The following SFSWAP variants were observed in gnomAD, a reference collection of about 807,000 sequenced individuals.
SFSWAP encodes the protein splicing factor SWAP, also known as splicing factor, suppressor of white-apricot homolog.
Under a neutral mutation model 100.7 loss-of-function variants are expected in SFSWAP, and 17 were observed. The ratio of observed to expected loss-of-function variants is 0.17; its 90% CI spans 0.12 to 0.25. The LOEUF (loss-of-function observed/expected upper bound fraction) is 0.25. Among genes scored for constraint, SFSWAP ranks in the 10% least tolerant of loss-of-function variants. The pLI is 1.00. For missense variants in SFSWAP, 1,005 were observed against 1,262.6 expected (o/e 0.80, Z 3.09); for synonymous variants, 504 against 510.1 (o/e 0.99, Z 0.16).
In SFSWAP at chr12:131,799,675, A is replaced by G. The variant is rs1036186413; in HGVS notation, c.*187A>G. ...GTCTCTTACCTGTATATTTGTAAAT[A>G]TATCATGTTTCTGTGAAAATGTATT... On this transcript the variant is annotated 3_prime_UTR_variant, in exon 18 of 18. Coordinates refer to ENST00000261674, the MANE Select transcript of SFSWAP (RefSeq NM_004592.4). The G allele has an allele frequency of 6.9e-6, 4 of 582,132 alleles. No homozygotes were observed. The highest frequency in any genetic ancestry group is 1.2e-5 in the Non-Finnish European group (4 of 329,666). The allele number at this position is 582,132 out of a possible 1,614,324, so 36.1% of individuals were successfully genotyped here. A position where few individuals can be genotyped will look rare whatever the true frequency, so the allele number is the denominator to read the frequency against.
Position 131,786,731 on chromosome 12 carries a change from C to T in SFSWAP, c.2534+143C>T, listed in dbSNP as rs1884923437. 9 of 840,428 alleles carry T rather than the reference C, an allele frequency of 1.1e-5. No individual in the cohort carries two copies. The South Asian group carries it at 1.6e-4, about 15-fold the overall frequency. 52.1% of individuals were successfully genotyped at this position (840,428 alleles called of 1,614,324 possible). A position where few individuals can be genotyped will look rare whatever the true frequency, so the allele number is the denominator to read the frequency against. ...GAGTCCCCCACCACCCCCCCACCCCCAGTGGCATGGCCATCACTGTTGACA... is the reference window on the plus strand; with the variant it reads ...GAGTCCCCCACCACCCCCCCACCCCTAGTGGCATGGCCATCACTGTTGACA... On this transcript the variant is annotated intron_variant, in intron 15 of 17. Coordinates refer to ENST00000261674, the MANE Select transcript of SFSWAP (RefSeq NM_004592.4).
Position 131,766,711 on chromosome 12 carries a change from C to T in SFSWAP, c.2142+403C>T, listed in dbSNP as rs142991834. Among the ~76,000 whole-genome samples the T allele has an allele frequency of 2.3e-4, 35 of 152,234 alleles. No individual in the cohort carries two copies. In the East Asian group the frequency reaches 4.1e-3, roughly 18 times the overall value. On this transcript the variant is annotated intron_variant, in intron 13 of 17. Coordinates refer to ENST00000261674, the MANE Select transcript of SFSWAP (RefSeq NM_004592.4). ...ACGTGGGGCAGAAATCCTTTTGCCA[C>T]GGTCTGTATCAATGTCAGCACTTTA...
chr12:131,715,000 CGCACAG>C lies in SFSWAP; in HGVS notation c.520+50_520+55del. ...CTGCTGGTGTAGGGCTACACGTGTACGCACAGGCTGCATGCACCGTGGTCCAGTCTG... is the reference window on the plus strand; with the variant it reads ...CTGCTGGTGTAGGGCTACACGTGTACGCTGCATGCACCGTGGTCCAGTCTG... On this transcript the variant is annotated intron_variant, in intron 3 of 17. Transcript: ENST00000261674. This position sits in a 1 kb window ranked among gnomAD's most constrained non-coding sequence, Gnocchi z 6.0. The C allele has an allele frequency of 6.2e-7, 1 of 1,604,258 alleles. No individual in the cohort carries two copies. The highest frequency in any genetic ancestry group is 8.5e-7 in the Non-Finnish European group (1 of 1,172,828).
chr12:131,716,088 A>T (rs925644297), intron 3 of SFSWAP, among the ~76,000 whole-genome samples: 11 of 152,208 alleles, frequency 7.2e-5, no homozygotes, highest in African/African-American at 2.7e-4. Flanking sequence ...CTGTGACTGC[A>T]CTATGGTTCT....
intron 11 of SFSWAP, among the ~76,000 whole-genome samples, chr12:131,762,211 C>T (rs950764067): frequency 6.6e-6 from 1 of 151,274 alleles, no homozygotes; most frequent in Non-Finnish European, 1.5e-5. Flanking sequence ...TCAGCCTGGG[C>T]GACAGAGCGA....
chr12:131,799,031 C>A lies in SFSWAP; in HGVS notation c.2718-6C>A. ...GTAAGCTCTGCTCTCTCTCTCTCTG[C>A]ATTAGGGGAGTCTCTCAGGAAAAAG... On this transcript the variant is annotated splice_polypyrimidine_tract_variant and splice_region_variant and intron_variant, in intron 16 of 17. Transcript: ENST00000261674. 1 of 1,607,910 alleles carries A rather than the reference C, an allele frequency of 6.2e-7. No individual in the cohort carries two copies. Among genetic ancestry groups the A allele is most frequent in the Non-Finnish European group, 8.5e-7 (1 of 1,174,328 alleles).
intron 14 of SFSWAP, chr12:131,783,792 T>TTATTTATA (rs1555251680): frequency 2.3e-5 from 2 of 86,682 alleles, no homozygotes; most frequent in South Asian, 4.3e-4. Context: ...AAAAAACATT[T>TTATTTATA]TATATATATA....
Position 131,711,192 on chromosome 12 carries a change from C to T in SFSWAP, c.-38C>T. ...TGGAGGTATCAGGGACGTCGCGCGG[C>T]ACAGAAGAGGACCAGCCTGGACGCC... On this transcript the variant is annotated 5_prime_UTR_variant, in exon 1 of 18. Coordinates refer to ENST00000261674, the MANE Select transcript of SFSWAP (RefSeq NM_004592.4). This position sits in a 1 kb window ranked among gnomAD's most constrained non-coding sequence, Gnocchi z 4.9. 1 of 1,514,628 alleles carries T rather than the reference C, an allele frequency of 6.6e-7. No homozygotes were observed. Among genetic ancestry groups the T allele is most frequent in the Non-Finnish European group, 8.9e-7 (1 of 1,128,138 alleles). The allele number at this position is 1,514,628 out of a possible 1,614,324, so 93.8% of individuals were successfully genotyped here.
intron 7 of SFSWAP, among the ~76,000 whole-genome samples, chr12:131,744,347 G>A (rs553749582): frequency 6.6e-6 from 1 of 152,320 alleles, no homozygotes; most frequent in East Asian, 1.9e-4. Flanking sequence ...ATGCATTGCT[G>A]CTTAGAAATT....
intron 13 of SFSWAP, among the ~76,000 whole-genome samples, chr12:131,769,787 C>A (rs570861584): frequency 1.3e-5 from 2 of 152,040 alleles, no homozygotes; most frequent in South Asian, 4.2e-4. Flanking sequence ...CCACCACGCC[C>A]GGCTAATTTT....
At chr12:131,718,010 CGTGAGCCACCACACCCGGTTACAGGT>C (rs1254284906) in intron 3 of SFSWAP, among the ~76,000 whole-genome samples, 8 of 152,210 alleles carry the variant, frequency 5.3e-5, no homozygotes, top group African/African-American at 1.7e-4. Context: ...GGATTCCAGG[CGTGAGCCACCACACCCGGTTACAGGT>C]GTGAGCCACT....
At chr12:131,764,347 C>T in intron 11 of SFSWAP, 109 bp from the exon 12 acceptor site, 1 of 811,326 alleles carries the variant, frequency 1.2e-6, no homozygotes, top group Non-Finnish European at 2.0e-6. Context: ...TATGATGTGG[C>T]TCCATGCTAG....
intron 7 of SFSWAP, among the ~76,000 whole-genome samples, chr12:131,745,868 G>C (rs957886658): frequency 6.6e-6 from 1 of 151,936 alleles, no homozygotes; most frequent in Non-Finnish European, 1.5e-5. Context: ...GAATAAGCCT[G>C]CAGGGAATGG....
chr12:131,726,080 GTC>G (rs534972291), intron 5 of SFSWAP, among the ~76,000 whole-genome samples: 118 of 152,160 alleles, frequency 7.8e-4, no homozygotes, highest in Admixed American at 1.5e-3. Context: ...TTATAACAGT[GTC>G]TCTATTTTGG....
intron 13 of SFSWAP, among the ~76,000 whole-genome samples, chr12:131,767,181 C>T (rs574518580): frequency 1.3e-5 from 2 of 150,902 alleles, no homozygotes; most frequent in Non-Finnish European, 3.0e-5. Flanking sequence ...ACACTGGCTC[C>T]TGTGCCAAGG....
intron 11 of SFSWAP, chr12:131,757,319 G>A (rs115242390): frequency 0.012 from 1,862 of 152,500 alleles, 33 homozygotes; most frequent in African/African-American, 0.042. Context: ...GAGCTGCCCG[G>A]CCCCGTGTTG....
At chr12:131,740,535 C>T in intron 7 of SFSWAP, among the ~76,000 whole-genome samples, 1 of 152,154 alleles carries the variant, frequency 6.6e-6, no homozygotes, top group East Asian at 1.9e-4. Context: ...GTGCCTCGAG[C>T]ACCTTTCCTG....
chr12:131,723,341 G>A (rs1878663314), intron 4 of SFSWAP: 1 of 152,144 alleles, frequency 6.6e-6, no homozygotes, highest in Admixed American at 6.5e-5. Context: ...TTTTCTAAGT[G>A]ATTGTACGAC....
At chr12:131,717,177 G>C (rs544646891) in intron 3 of SFSWAP, among the ~76,000 whole-genome samples, 30 of 152,186 alleles carry the variant, frequency 2.0e-4, no homozygotes, top group African/African-American at 7.0e-4. Context: ...GTCACATTCT[G>C]TTAAAATAAA....
Sources: allele counts gnomAD v4.1 joint callset (sites outside exome capture counted in the v4.1 genomes callset), GRCh38; gene constraint gnomAD v4.1.1; non-coding constraint Gnocchi (gnomAD v3.1); transcripts MANE v1.5; gene names NCBI Gene and HGNC (gene_info 2026-07-23, HGNC 2026-07-21).